Variants in CPNE5 observed in about 807,000 individuals in gnomAD.
CPNE5 encodes copine-5.
In CPNE5, 42 loss-of-function variants were observed where a neutral mutation model predicts 81.1. The ratio of observed to expected loss-of-function variants is 0.52; its 90% CI spans 0.40 to 0.67. The LOEUF is 0.67. Ranked by LOEUF, CPNE5 falls within the 30% of genes least tolerant of loss-of-function variation. CPNE5 has a pLI of 0.00. For missense variants in CPNE5, 612 were observed against 815.5 expected, an observed-to-expected ratio of 0.75 and a Z score of 3.04; for synonymous variants, 313 against 321.5, an observed-to-expected ratio of 0.97 and a Z score of 0.28.
At chr6:36,762,465 A>G (rs1766144213) in intron 12 of CPNE5, among the ~76,000 whole-genome samples, 3 of 152,154 alleles carry the variant, frequency 2.0e-5, no homozygotes, top group African/African-American at 7.2e-5. Flanking sequence ...AGAACAAGGA[A>G]GGTATCCTGA....
At chr6:36,809,571 G>A (rs1177735864) in intron 3 of CPNE5, among the ~76,000 whole-genome samples, 1 of 151,788 alleles carries the variant, frequency 6.6e-6, no homozygotes, top group East Asian at 1.9e-4. Context: ...GCACGACGCT[G>A]TCTCAAAAAC....
At position 36,758,415 on chromosome 6, in the gene CPNE5, A is replaced by ATTTTTTTTTTTT. The variant is rs72371807; in HGVS notation, c.856-2129_856-2118dup. Among the ~76,000 whole-genome samples the ATTTTTTTTTTTT allele has an allele frequency of 2.2e-3, 304 of 140,206 alleles. 3 individuals are homozygous for ATTTTTTTTTTTT. Among genetic ancestry groups the ATTTTTTTTTTTT allele is most frequent in the African/African-American group, 7.6e-3 (281 of 37,002 alleles). The allele number at this position is 140,206 out of a possible 152,430, so 92.0% of individuals were successfully genotyped here. ...CAGGTAGCTGCCACCATGTCTGGCT[A>ATTTTTTTTTTTT]TTTTTTTTTTTTTGGTAGAGATAGG... On this transcript the variant is annotated intron_variant, in intron 12 of 20. Transcript: ENST00000244751.
intron 15 of CPNE5, among the ~76,000 whole-genome samples, chr6:36,747,586 T>G (rs1336580415): frequency 3.3e-5 from 5 of 152,166 alleles, no homozygotes; most frequent in Non-Finnish European, 7.4e-5. Flanking sequence ...TAAGAGGAGC[T>G]CCTGACACCT....
intron 7 of CPNE5, among the ~76,000 whole-genome samples, chr6:36,794,186 T>G: frequency 1.0e-5 from 1 of 96,208 alleles, no homozygotes; most frequent in Non-Finnish European, 1.9e-5. Flanking sequence ...GGGGAAAGGA[T>G]AAAGACAGGG....
At chr6:36,798,800 T>C (rs1188918347) in intron 4 of CPNE5, among the ~76,000 whole-genome samples, 2 of 152,118 alleles carry the variant, frequency 1.3e-5, no homozygotes, top group Non-Finnish European at 2.9e-5. Context: ...AAAAACTAAA[T>C]CAATGAGCTC....
At chr6:36,798,123 G>A (rs542644526) in intron 6 of CPNE5, 42 bp downstream of exon 6, 80 of 1,511,716 alleles carry the variant, frequency 5.3e-5, no homozygotes, top group South Asian at 1.3e-4. Context: ...CAGAATGGGC[G>A]GGAAGTTGGC....
chr6:36,743,335 C>G, intron 20 of CPNE5: 1 of 699,224 alleles, frequency 1.4e-6, no homozygotes, highest in Non-Finnish European at 1.8e-6. Context: ...TTGGAGAAGG[C>G]TGCAGCAACA....
At position 36,765,505 on chromosome 6, in the gene CPNE5, G is replaced by A. The variant is rs564441429; in HGVS notation, c.738-129C>T. 246 of 1,053,160 alleles carry A rather than the reference G, an allele frequency of 2.3e-4. No homozygotes were observed. The East Asian group carries it at 5.7e-3, about 25-fold the overall frequency. 65.2% of individuals were successfully genotyped at this position (1,053,160 alleles called of 1,614,324 possible). The stretch of plus-strand genomic sequence containing the variant: ...CCCTCTGGGCCCCAGGGCCCTGGGT[G>A]GGGAGGCAGCGGCTTGAGAGACAAG... On this transcript the variant is annotated intron_variant, in intron 10 of 20. Coordinates refer to ENST00000244751, the MANE Select transcript of CPNE5 (RefSeq NM_020939.2).
intron 8 of CPNE5, among the ~76,000 whole-genome samples, chr6:36,786,219 G>A (rs1036522037): frequency 2.0e-5 from 3 of 152,132 alleles, no homozygotes; most frequent in Admixed American, 6.5e-5. Context: ...GATTCTGTGA[G>A]TAGGGCCCTC....
chr6:36,758,938 G>T (rs1258943430), intron 12 of CPNE5, among the ~76,000 whole-genome samples: 1 of 152,210 alleles, frequency 6.6e-6, no homozygotes, highest in South Asian at 2.1e-4. Context: ...AGGTGCTCAC[G>T]GACACATTCA....
chr6:36,808,354 C>G (rs1770788652), intron 3 of CPNE5, among the ~76,000 whole-genome samples: 1 of 152,160 alleles, frequency 6.6e-6, no homozygotes, highest in South Asian at 2.1e-4. Flanking sequence ...GTCGGCCTCA[C>G]AAAGTGCTGG....
chr6:36,791,567 T>C (rs35253638), intron 8 of CPNE5, among the ~76,000 whole-genome samples: 9,881 of 152,182 alleles, frequency 0.065, 518 homozygotes, highest in East Asian at 0.28. Context: ...TCCCAACACA[T>C]GCGTACGCAC....
At chr6:36,763,136 T>C in intron 11 of CPNE5, 144 bp from the exon 12 acceptor site, 2 of 715,758 alleles carry the variant, frequency 2.8e-6, no homozygotes, top group Non-Finnish European at 2.4e-6. Flanking sequence ...ACAGGCTGGG[T>C]CCGTGGGAAG....
chr6:36,803,554 T>A (rs1266622824), intron 3 of CPNE5, among the ~76,000 whole-genome samples: 1 of 152,212 alleles, frequency 6.6e-6, no homozygotes, highest in Non-Finnish European at 1.5e-5. Flanking sequence ...ATTGAACACA[T>A]GCAATGCACC....
intron 11 of CPNE5, 71 bp from the exon 12 acceptor site, chr6:36,763,063 C>T: frequency 1.5e-6 from 2 of 1,362,040 alleles, no homozygotes; most frequent in Non-Finnish European, 2.1e-6. Context: ...CAGCCTTGCA[C>T]ACATCCGTTT....
intron 1 of CPNE5, among the ~76,000 whole-genome samples, chr6:36,825,559 T>C (rs236371): frequency 0.82 from 124,202 of 152,136 alleles, 50,910 homozygotes; most frequent in East Asian, 1. Flanking sequence ...TCAGCTGTCA[T>C]TTCGGAAACC....
intron 13 of CPNE5, among the ~76,000 whole-genome samples, chr6:36,753,355 A>T (rs1389398197): frequency 1.3e-5 from 2 of 152,236 alleles, no homozygotes; most frequent in Non-Finnish European, 2.9e-5. Flanking sequence ...GGTGTGTCTG[A>T]CTTCAGAGCC....
intron 13 of CPNE5, chr6:36,755,707 A>G: frequency 6.3e-6 from 1 of 159,368 alleles, no homozygotes; most frequent in South Asian, 1.8e-4. Flanking sequence ...AGAAGCCACT[A>G]GGCCGGCGTG....
intron 10 of CPNE5, among the ~76,000 whole-genome samples, chr6:36,772,940 C>T (rs569534742): frequency 1.9e-4 from 29 of 152,156 alleles, no homozygotes; most frequent in African/African-American, 5.1e-4. Context: ...CCTGGGCTCA[C>T]GTGATCCTTT....
Sources: allele counts gnomAD v4.1 joint callset (sites outside exome capture counted in the v4.1 genomes callset), GRCh38; gene constraint gnomAD v4.1.1; transcripts MANE v1.5; gene names NCBI Gene and HGNC (gene_info 2026-07-23, HGNC 2026-07-21).